ZNF423: variants seen among roughly 807,000 people sequenced by gnomAD.
The protein encoded by ZNF423 is Ebf-associated zinc finger protein.
In ZNF423, 12 loss-of-function variants were observed where a neutral mutation model predicts 95.8. The observed-to-expected ratio is 0.13, with a 90% confidence interval of 0.08 to 0.20. The LOEUF is 0.20. ZNF423 is among the 10% of genes least tolerant of loss of function. ZNF423 has a pLI of 1.00. For missense variants in ZNF423, 1,316 were observed against 1,737.1 expected (o/e 0.76, Z 4.31); for synonymous variants, 749 against 711.9 (o/e 1.05, Z -0.83).
At chr16:49,744,429 G>A (rs1281495828) in intron 2 of ZNF423, among the ~76,000 whole-genome samples, 1 of 148,530 alleles carries the variant, frequency 6.7e-6, no homozygotes, top group South Asian at 2.1e-4. Flanking sequence ...GTGGCCAGGT[G>A]GAGTGTCCCC....
At chr16:49,611,430 T>A (rs925451672) in intron 5 of ZNF423, among the ~76,000 whole-genome samples, 2 of 152,038 alleles carry the variant, frequency 1.3e-5, no homozygotes, top group African/African-American at 4.8e-5. Flanking sequence ...CATGGGAATT[T>A]TTTAATACAC....
intron 3 of ZNF423, among the ~76,000 whole-genome samples, chr16:49,660,110 G>A (rs775792470): frequency 1.2e-4 from 19 of 152,108 alleles, no homozygotes; most frequent in Non-Finnish European, 1.9e-4. Flanking sequence ...TCCTGGCTTC[G>A]AACTGCCTGG....
At chr16:49,729,680 AT>A (rs1199718138) in intron 3 of ZNF423, among the ~76,000 whole-genome samples, 13 of 143,782 alleles carry the variant, frequency 9.0e-5, no homozygotes, top group Non-Finnish European at 1.7e-4. Context: ...TATTATTATT[AT>A]TATTTTAAAA....
intron 7 of ZNF423, chr16:49,518,205 C>G (rs1403937216): frequency 2.6e-6 from 1 of 381,108 alleles, no homozygotes; most frequent in African/African-American, 2.1e-5. Flanking sequence ...ACCACATGCA[C>G]TTGTAGCTTC....
At chr16:49,737,623 G>A (rs2033318307) in intron 2 of ZNF423, among the ~76,000 whole-genome samples, 1 of 152,242 alleles carries the variant, frequency 6.6e-6, no homozygotes, top group African/African-American at 2.4e-5. Context: ...TCACGGGGCA[G>A]GGGACAGCTG....
At chr16:49,779,820 AG>A (rs2034180045) in intron 2 of ZNF423, among the ~76,000 whole-genome samples, 1 of 152,224 alleles carries the variant, frequency 6.6e-6, no homozygotes, top group Non-Finnish European at 1.5e-5. Context: ...CTTTGGAGAA[AG>A]TAGGACTGGC....
At chr16:49,650,528 C>T (rs781075460) in intron 3 of ZNF423, among the ~76,000 whole-genome samples, 4 of 152,180 alleles carry the variant, frequency 2.6e-5, no homozygotes, top group Non-Finnish European at 5.9e-5. Context: ...ACCTCACACC[C>T]ATTATCCATT....
At chr16:49,820,646 CGT>C (rs1567359052) in intron 1 of ZNF423, among the ~76,000 whole-genome samples, 2 of 152,120 alleles carry the variant, frequency 1.3e-5, no homozygotes, top group African/African-American at 4.8e-5. Flanking sequence ...CCCTTGCATT[CGT>C]GTGTCAGGAA....
chr16:49,857,447 G>A, upstream of ZNF423, among the ~76,000 whole-genome samples: 1 of 152,120 alleles, frequency 6.6e-6, no homozygotes, highest in Non-Finnish European at 1.5e-5. This position sits in a 1 kb window ranked among gnomAD's most constrained non-coding sequence, Gnocchi z 6.2. Flanking sequence ...AGCTCGCCAA[G>A]ACGCATGAGC....
At chr16:49,770,203 C>CGAAT (rs10661234) in intron 2 of ZNF423, among the ~76,000 whole-genome samples, 105,533 of 150,718 alleles carry the variant, frequency 0.7, 37,681 homozygotes, top group African/African-American at 0.84. Flanking sequence ...AAAGAATGAA[C>CGAAT]GAATGAATGA....
rs77922186 is a variant in ZNF423 at position 49,688,572 on chromosome 16, T to C, written c.301+42199A>G. ...TTCCTAAGTTGGGAGACTCTATGTA[T>C]ATTTTATCAAGGAAGAAATGCCAGG... is the stretch of plus-strand genomic sequence containing the variant. On this transcript the variant is annotated intron_variant, in intron 3 of 7. Coordinates refer to ENST00000563137, the MANE Select transcript of ZNF423 (RefSeq NM_001379286.1). 1.9e-3 allele frequency among the ~76,000 whole-genome samples: 286 copies of C among 152,306 alleles called. 4 individuals are homozygous for C. The East Asian group carries it at 0.052, about 28-fold the overall frequency.
At chr16:49,820,020 G>A (rs561354005) in intron 1 of ZNF423, among the ~76,000 whole-genome samples, 1 of 151,320 alleles carries the variant, frequency 6.6e-6, no homozygotes, top group African/African-American at 2.4e-5. Context: ...TATATTTGTT[G>A]AATAGGTGGA....
chr16:49,539,220 C>A (rs1969163534), intron 5 of ZNF423, among the ~76,000 whole-genome samples: 2 of 152,146 alleles, frequency 1.3e-5, no homozygotes, highest in Admixed American at 1.3e-4. Flanking sequence ...AACACCATCC[C>A]AAATGCAGGA....
In ZNF423 at chr16:49,500,900, TA is replaced by T. The variant is rs796553124; in HGVS notation, c.3850-9597del. On this transcript the variant is annotated intron_variant, in intron 7 of 7. Transcript: ENST00000563137. ...TCCAGCCACAGGGTGAGACCTCATT[TA>T]AAAAAAAAAAAGGCTATTGGGTGGA... 5.6e-3 allele frequency among the ~76,000 whole-genome samples: 797 copies of T among 142,854 alleles called. 1 individual carries two copies. Among genetic ancestry groups the T allele is most frequent in the Middle Eastern group, 0.018 (5 of 280 alleles). The allele number at this position is 142,854 out of a possible 152,430, so 93.7% of individuals were successfully genotyped here.
At chr16:49,649,488 T>G (rs77508497) in intron 3 of ZNF423, among the ~76,000 whole-genome samples, 2,593 of 152,188 alleles carry the variant, frequency 0.017, 97 homozygotes, top group African/African-American at 0.059. Flanking sequence ...CAGCACATAT[T>G]TAGGATGCCT....
At chr16:49,579,795 A>C (rs562758835) in intron 5 of ZNF423, among the ~76,000 whole-genome samples, 33 of 152,174 alleles carry the variant, frequency 2.2e-4, no homozygotes, top group Non-Finnish European at 2.6e-4. Flanking sequence ...CTGCGAGATG[A>C]CCTCTCCCAT....
At chr16:49,531,555 C>T (rs1213879812) in intron 5 of ZNF423, among the ~76,000 whole-genome samples, 1 of 152,078 alleles carries the variant, frequency 6.6e-6, no homozygotes, top group African/African-American at 2.4e-5. Flanking sequence ...CTGTAAGAAA[C>T]AAAGACCCCC....
chr16:49,778,258 T>G (rs1167263450), intron 2 of ZNF423, among the ~76,000 whole-genome samples: 1 of 152,228 alleles, frequency 6.6e-6, no homozygotes, highest in Non-Finnish European at 1.5e-5. Context: ...GAATGTCAGC[T>G]GACATGACAG....
chr16:49,800,661 C>T (rs969976622), intron 1 of ZNF423, among the ~76,000 whole-genome samples: 7 of 152,186 alleles, frequency 4.6e-5, no homozygotes, highest in Admixed American at 2.0e-4. Context: ...TTCACTGAGC[C>T]CAAGTGGCAT....
Sources: allele counts gnomAD v4.1 joint callset (sites outside exome capture counted in the v4.1 genomes callset), GRCh38; gene constraint gnomAD v4.1.1; non-coding constraint Gnocchi (gnomAD v3.1); transcripts MANE v1.5; gene names NCBI Gene and HGNC (gene_info 2026-07-23, HGNC 2026-07-21).